Variants in ATP6V0A4 observed in about 807,000 individuals in gnomAD.
ATP6V0A4 encodes ATPase H+ transporting V0 subunit a4.
ATP6V0A4 carries 86 observed loss-of-function variants against 107.3 expected under a neutral mutation model. The ratio of observed to expected loss-of-function variants is 0.80; its 90% CI spans 0.67 to 0.96. The LOEUF (loss-of-function observed/expected upper bound fraction) is 0.96, where lower values mean the gene tolerates loss of function less well. ATP6V0A4 is among the 40% of genes least tolerant of loss of function. The pLI is 0.00. For missense variants in ATP6V0A4, 908 were observed against 1,045.6 expected (o/e 0.87, Z 1.81); for synonymous variants, 353 against 381.4 (o/e 0.93, Z 0.87).
At chr7:138,755,658 A>G (rs377297003) in intron 10 of ATP6V0A4, 31 bp downstream of exon 10, 31 of 1,612,612 alleles carry the variant, frequency 1.9e-5, no homozygotes, top group Non-Finnish European at 2.5e-5. Flanking sequence ...TGCAGCTGCC[A>G]TCAGACCATG....
chr7:138,710,828 C>A (rs527460170), intron 20 of ATP6V0A4, among the ~76,000 whole-genome samples: 3 of 152,144 alleles, frequency 2.0e-5, no homozygotes, highest in Non-Finnish European at 4.4e-5. Flanking sequence ...CACAGAGACG[C>A]CCAACAACAT....
chr7:138,713,559 G>T (rs1396592044), intron 20 of ATP6V0A4, among the ~76,000 whole-genome samples: 2 of 152,116 alleles, frequency 1.3e-5, no homozygotes, highest in Non-Finnish European at 2.9e-5. Context: ...TGCTTTCAAG[G>T]AGCTCATAGT....
intron 8 of ATP6V0A4, 32 bp from the exon 9 acceptor site, chr7:138,756,572 G>C (rs763529829): frequency 6.2e-7 from 1 of 1,600,888 alleles, no homozygotes; most frequent in African/African-American, 1.3e-5. Context: ...AAAAAAAAGG[G>C]GGGGGTTTCT....
Position 138,773,693 on chromosome 7 carries a change from AC to A in ATP6V0A4, c.-17-2430del, listed in dbSNP as rs760930695. 6.6e-6 allele frequency: 1 copy of A among 152,430 alleles called. No individual in the cohort carries two copies. Among genetic ancestry groups the A allele is most frequent in the Non-Finnish European group, 1.5e-5 (1 of 68,210 alleles). 9.4% of individuals were successfully genotyped at this position (152,430 alleles called of 1,614,324 possible). A position where few individuals can be genotyped will look rare whatever the true frequency, so the allele number is the denominator to read the frequency against. On this transcript the variant is annotated intron_variant, in intron 2 of 21. Coordinates refer to ENST00000310018, the MANE Select transcript of ATP6V0A4 (RefSeq NM_020632.3). This position sits in a 1 kb window ranked among gnomAD's most constrained non-coding sequence, Gnocchi z 5.4. ...TGGGCCCACATTTGTGCCTTTTGAC[AC>A]CAAGATGAATTCAAAGCTCTCCTAC... is the stretch of plus-strand genomic sequence containing the variant.
intron 9 of ATP6V0A4, 79 bp from the exon 10 acceptor site, chr7:138,755,861 C>T (rs112649056): frequency 4.5e-5 from 70 of 1,570,028 alleles, no homozygotes; most frequent in Non-Finnish European, 5.8e-5. Context: ...GCTAAGACAT[C>T]GTTTGCTGAC....
At chr7:138,745,518 T>C (rs544016896) in intron 13 of ATP6V0A4, among the ~76,000 whole-genome samples, 10 of 151,786 alleles carry the variant, frequency 6.6e-5, no homozygotes, top group Non-Finnish European at 1.3e-4. Context: ...AAAAACCATA[T>C]AGGCAAAAAT....
intron 2 of ATP6V0A4, among the ~76,000 whole-genome samples, chr7:138,771,736 C>T (rs1468024710): frequency 6.6e-6 from 1 of 152,200 alleles, no homozygotes; most frequent in Non-Finnish European, 1.5e-5. Context: ...CCTCCTGCCT[C>T]AGCCTCCTAT....
In ATP6V0A4 at chr7:138,730,316, C is replaced by T. The variant is rs74410566; in HGVS notation, c.1909-1454G>A. 2.5e-3 allele frequency among the ~76,000 whole-genome samples: 382 copies of T among 151,068 alleles called. 3 individuals are homozygous for T. Among genetic ancestry groups the T allele is most frequent in the African/African-American group, 8.8e-3 (360 of 41,102 alleles). Reference sequence around the variant, plus strand: ...ATTTTTATGCAACAGGATTTTCCCCCGATGACGTACAAAGCAACGGGATGA... The same window carrying T: ...ATTTTTATGCAACAGGATTTTCCCCTGATGACGTACAAAGCAACGGGATGA... On this transcript the variant is annotated intron_variant, in intron 17 of 21. Transcript: ENST00000310018.
At chr7:138,763,396 G>C (rs893331580) in intron 5 of ATP6V0A4, among the ~76,000 whole-genome samples, 1 of 152,058 alleles carries the variant, frequency 6.6e-6, no homozygotes, top group African/African-American at 2.4e-5. Flanking sequence ...GGGAGGCCGA[G>C]ATGTGCAGAT....
At chr7:138,778,428 TTATA>T (rs56126323) in intron 2 of ATP6V0A4, among the ~76,000 whole-genome samples, 16,627 of 147,610 alleles carry the variant, frequency 0.11, 1,419 homozygotes, top group East Asian at 0.43. Flanking sequence ...ACATCTCATT[TTATA>T]TATATATATA....
chr7:138,745,371 C>A, intron 13 of ATP6V0A4, 91 bp from the exon 14 acceptor site: 1 of 1,583,954 alleles, frequency 6.3e-7, no homozygotes, highest in Non-Finnish European at 8.6e-7. Flanking sequence ...CCAGCATCAC[C>A]GGTGCAGGCA....
At chr7:138,768,434 T>C (rs986914905) in intron 5 of ATP6V0A4, among the ~76,000 whole-genome samples, 1 of 151,962 alleles carries the variant, frequency 6.6e-6, no homozygotes, top group Admixed American at 6.6e-5. Flanking sequence ...AAACATCCCA[T>C]TATGCCCACA....
At chr7:138,716,586 G>A (rs6961849) in intron 19 of ATP6V0A4, among the ~76,000 whole-genome samples, 111,656 of 148,408 alleles carry the variant, frequency 0.75, 41,750 homozygotes, top group Admixed American at 0.79. Context: ...GGGGGGGGGG[G>A]AGGGTCTTGC....
In ATP6V0A4 at chr7:138,715,752, C is replaced by A. The variant is rs1277698303; in HGVS notation, c.2257+12G>T. On this transcript the variant is annotated intron_variant, in intron 20 of 21. Transcript: ENST00000310018. The stretch of plus-strand genomic sequence containing the variant: ...GAGAGCTGACTGTCCCCCCGATGGG[C>A]TGCTCACTCACGTGCATGAGCCAGG... 6.2e-7 allele frequency: 1 copy of A among 1,613,124 alleles called. No homozygotes were observed. The highest frequency in any genetic ancestry group is 2.2e-5 in the East Asian group (1 of 44,804).
intron 5 of ATP6V0A4, 159 bp from the exon 6 acceptor site, chr7:138,763,184 CAG>C: frequency 1.6e-5 from 6 of 385,924 alleles, no homozygotes; most frequent in Non-Finnish European, 2.2e-5. Context: ...CAGACACACA[CAG>C]ACACACACAC....
intron 13 of ATP6V0A4, 30 bp downstream of exon 13, chr7:138,747,395 A>T (rs1806003060): frequency 6.2e-7 from 1 of 1,608,994 alleles, no homozygotes; most frequent in Non-Finnish European, 8.5e-7. Context: ...CTGAAAATGA[A>T]TCAGGGCAAG....
At chr7:138,785,656 A>G (rs1808145617) in intron 2 of ATP6V0A4, among the ~76,000 whole-genome samples, 1 of 152,166 alleles carries the variant, frequency 6.6e-6, no homozygotes, top group African/African-American at 2.4e-5. Flanking sequence ...ACTCATAAAC[A>G]AAGTGTTTGA....
chr7:138,707,252 A>G (rs1411736672), intron 21 of ATP6V0A4, among the ~76,000 whole-genome samples: 2 of 83,282 alleles, frequency 2.4e-5, no homozygotes, highest in African/African-American at 9.9e-5. Context: ...TATATTATAT[A>G]GAATATATAT....
intron 11 of ATP6V0A4, 127 bp from the exon 12 acceptor site, chr7:138,749,444 C>G: frequency 9.8e-7 from 1 of 1,017,862 alleles, no homozygotes; most frequent in South Asian, 1.5e-5. Flanking sequence ...CTCTTGATCT[C>G]TCTGAGACTC....
Sources: allele counts gnomAD v4.1 joint callset (sites outside exome capture counted in the v4.1 genomes callset), GRCh38; gene constraint gnomAD v4.1.1; non-coding constraint Gnocchi (gnomAD v3.1); transcripts MANE v1.5; gene names NCBI Gene and HGNC (gene_info 2026-07-23, HGNC 2026-07-21).